The following HNF4A variants were observed in gnomAD, a reference collection of about 807,000 sequenced individuals.
The protein encoded by HNF4A is hepatocyte nuclear factor 4 alpha.
A neutral mutation model predicts 52.4 loss-of-function variants in HNF4A; 15 were observed. The observed-to-expected ratio is 0.29, with a 90% CI of 0.19 to 0.44. The LOEUF (loss-of-function observed/expected upper bound fraction) is 0.44. HNF4A is among the 20% of genes least tolerant of loss of function. HNF4A has a pLI of 1.00. For synonymous variants in HNF4A, 280 were observed against 264.4 expected (o/e 1.06, Z -0.57); for missense variants, 479 against 647.2 (o/e 0.74, Z 2.82).
At chr20:44,421,224 C>T (rs2063740025) in intron 7 of HNF4A, among the ~76,000 whole-genome samples, 1 of 152,210 alleles carries the variant, frequency 6.6e-6, no homozygotes, top group Non-Finnish European at 1.5e-5. Flanking sequence ...AGCATTCCTA[C>T]CCTCTCCTGT....
rs6103735 is a variant in HNF4A at position 44,431,381 on chromosome 20, G to A, written c.*1716G>A. ...CATCCTGTTTGCTGATAAATATTAA[G>A]GAGAATTCATGACTCTTGACAGCTT... On this transcript the variant is annotated 3_prime_UTR_variant, in exon 10 of 10. Coordinates refer to ENST00000316099, the MANE Select transcript of HNF4A (RefSeq NM_000457.6). The A allele has an allele frequency of 6.6e-6, 1 of 152,270 alleles. No homozygotes were observed. The highest frequency in any genetic ancestry group is 1.5e-5 in the Non-Finnish European group (1 of 68,022). 9.4% of individuals were successfully genotyped at this position (152,270 alleles called of 1,614,324 possible).
chr20:44,371,855 CT>C (rs781466212), intron 1 of HNF4A, among the ~76,000 whole-genome samples: 7 of 152,148 alleles, frequency 4.6e-5, no homozygotes, highest in Non-Finnish European at 7.4e-5. Flanking sequence ...CAACTTTCAC[CT>C]CCTTTAAAAA....
At chr20:44,384,515 T>C (rs1467944471) in intron 1 of HNF4A, 3 of 152,116 alleles carry the variant, frequency 2.0e-5, no homozygotes, top group African/African-American at 4.8e-5. Flanking sequence ...GCAAAGTTAA[T>C]TGCTCACCTA....
intron 8 of HNF4A, 119 bp downstream of exon 8, chr20:44,424,373 T>A (rs2063790279): frequency 6.6e-7 from 1 of 1,508,668 alleles, no homozygotes; most frequent in Non-Finnish European, 9.0e-7. Context: ...TTGGGCAAGT[T>A]GCTTAACCTG....
At chr20:44,428,902 G>C (rs2063843273) in intron 9 of HNF4A, among the ~76,000 whole-genome samples, 2 of 152,188 alleles carry the variant, frequency 1.3e-5, no homozygotes, top group Admixed American at 1.3e-4. Flanking sequence ...AACCTCCAAA[G>C]TATAAACTTG....
At chr20:44,379,995 G>A (rs931629947) in intron 1 of HNF4A, among the ~76,000 whole-genome samples, 5 of 152,134 alleles carry the variant, frequency 3.3e-5, no homozygotes, top group Non-Finnish European at 1.5e-5. Context: ...GCCTCCCAAA[G>A]TGCTGGGATT....
At position 44,424,466 on chromosome 20, in the gene HNF4A, A is replaced by C; in HGVS notation, c.1129+212A>C. 5 of 1,006,242 alleles carry C rather than the reference A, an allele frequency of 5.0e-6. No individual in the cohort carries two copies. The South Asian group carries it at 6.8e-5, about 14-fold the overall frequency. 62.3% of individuals were successfully genotyped at this position (1,006,242 alleles called of 1,614,324 possible). On this transcript the variant is annotated intron_variant, in intron 8 of 9. Transcript: ENST00000316099. ...AGGCACCGAGAACCTAGCACGTGCC[A>C]GTCACTGTTCTAAGTGCTGGCAATT...
intron 1 of HNF4A, among the ~76,000 whole-genome samples, chr20:44,382,438 C>A (rs1425134744): frequency 1.4e-4 from 21 of 152,040 alleles, no homozygotes; most frequent in Non-Finnish European, 1.5e-4. Flanking sequence ...GGAGTTTCAC[C>A]ATGTTGGCCA....
At chr20:44,365,699 A>G (rs2062963465) in intron 1 of HNF4A, among the ~76,000 whole-genome samples, 1 of 152,208 alleles carries the variant, frequency 6.6e-6, no homozygotes, top group Non-Finnish European at 1.5e-5. Flanking sequence ...AGACTAAAAC[A>G]ATAAGTTATA....
chr20:44,401,541 T>A (rs754098195), intron 1 of HNF4A: 126 of 1,603,854 alleles, frequency 7.9e-5, no homozygotes, highest in Non-Finnish European at 1.1e-4. Context: ...TGTGCCTGGG[T>A]CCAGGAGCAG....
At chr20:44,359,550 G>C (rs1007246176) in intron 1 of HNF4A, among the ~76,000 whole-genome samples, 1 of 152,148 alleles carries the variant, frequency 6.6e-6, no homozygotes, top group Non-Finnish European at 1.5e-5. Context: ...GCACACTCCT[G>C]CTCCAAACAG....
chr20:44,413,817 G>T lies in HNF4A; in HGVS notation c.492+17G>T, dbSNP rs1165553338. On this transcript the variant is annotated intron_variant, in intron 4 of 9. Coordinates refer to ENST00000316099, the MANE Select transcript of HNF4A (RefSeq NM_000457.6). ...TCCCGACAGGTACCGGGGTGATCCT[G>T]CCACCCACCCAGGGATCCCCCACAC... is the stretch of plus-strand genomic sequence containing the variant. The T allele has an allele frequency of 1.4e-5, 22 of 1,543,804 alleles. No homozygotes were observed. Among genetic ancestry groups the T allele is most frequent in the Non-Finnish European group, 1.9e-5 (21 of 1,119,678 alleles).
intron 5 of HNF4A, among the ~76,000 whole-genome samples, chr20:44,417,858 A>G (rs2146434650): frequency 6.6e-6 from 1 of 151,114 alleles, no homozygotes; most frequent in African/African-American, 2.4e-5. Flanking sequence ...AGTCTCAGCT[A>G]CTCTGGAGGC....
upstream of HNF4A, chr20:44,401,164 C>G (rs1013076801): frequency 2.4e-5 from 35 of 1,433,428 alleles, no homozygotes; most frequent in South Asian, 4.7e-4. Flanking sequence ...GGCGGGGGAC[C>G]GATTAACCAT....
At chr20:44,425,843 A>G (rs6130614) in intron 8 of HNF4A, among the ~76,000 whole-genome samples, 59,940 of 151,484 alleles carry the variant, frequency 0.4, 13,811 homozygotes, top group Middle Eastern at 0.57. Flanking sequence ...TATTTTTTAT[A>G]GAGACAAGGT....
At chr20:44,382,110 C>G (rs2063161376) in intron 1 of HNF4A, among the ~76,000 whole-genome samples, 1 of 152,222 alleles carries the variant, frequency 6.6e-6, no homozygotes, top group Non-Finnish European at 1.5e-5. Context: ...AATGGCACCA[C>G]TGATATTTCA....
At chr20:44,407,302 T>A in intron 2 of HNF4A, 79 bp from the exon 3 acceptor site, 3 of 1,071,578 alleles carry the variant, frequency 2.8e-6, no homozygotes, top group Non-Finnish European at 4.2e-6. Flanking sequence ...GGGGGTCAAC[T>A]GGATAGCCAG....
chr20:44,355,927 G>T (rs2062852434), intron 1 of HNF4A, 74 bp downstream of exon 1: 2 of 1,326,896 alleles, frequency 1.5e-6, no homozygotes, highest in East Asian at 4.8e-5. Flanking sequence ...ACACCTCCCC[G>T]TGTGTTTCTT....
chr20:44,413,157 G>A (rs1035066817), intron 3 of HNF4A, among the ~76,000 whole-genome samples: 3 of 152,194 alleles, frequency 2.0e-5, no homozygotes, highest in Non-Finnish European at 2.9e-5. Context: ...GCAGTGGGAG[G>A]GAGGGAGACA....
Sources: gnomAD v4.1 joint callset for allele counts (sites outside exome capture counted in the v4.1 genomes callset) on GRCh38, gnomAD v4.1.1 for gene constraint, MANE v1.5 for transcripts, NCBI Gene and HGNC (gene_info 2026-07-23, HGNC 2026-07-21) for gene names.